The following CLCN3 variants were observed in gnomAD, a reference collection of about 807,000 sequenced individuals.
CLCN3 encodes the protein H(+)/Cl(-) exchange transporter 3.
Under a neutral mutation model 83.4 loss-of-function variants are expected in CLCN3, and 16 were observed. The observed-to-expected ratio is 0.19, with a 90% CI of 0.13 to 0.29. The LOEUF is 0.29. Among genes scored for constraint, CLCN3 ranks in the 10% least tolerant of loss-of-function variants. The pLI, the probability that CLCN3 is intolerant of heterozygous loss-of-function variation, is 1.00. For missense variants in CLCN3, 544 were observed against 1,006.0 expected, an observed-to-expected ratio of 0.54 and a Z score of 6.21; for synonymous variants, 322 against 346.2, an observed-to-expected ratio of 0.93 and a Z score of 0.78.
intron 4 of CLCN3, among the ~76,000 whole-genome samples, chr4:169,688,532 T>C (rs751369021): frequency 6.6e-6 from 1 of 152,080 alleles, no homozygotes; most frequent in African/African-American, 2.4e-5. Flanking sequence ...CTGATCTCTT[T>C]ATGTAAGAAG....
intron 2 of CLCN3, among the ~76,000 whole-genome samples, chr4:169,637,547 G>A (rs939711051): frequency 3.3e-5 from 5 of 151,716 alleles, no homozygotes; most frequent in African/African-American, 1.2e-4. Context: ...CTCCTGCTAG[G>A]CACCAGAGCA....
intron 11 of CLCN3, among the ~76,000 whole-genome samples, chr4:169,712,221 C>T (rs1279158529): frequency 6.6e-6 from 1 of 152,102 alleles, no homozygotes; most frequent in Non-Finnish European, 1.5e-5. Context: ...AATACTAACT[C>T]AAAGTAGAAA....
chr4:169,689,270 A>G (rs752381431), intron 5 of CLCN3, 40 bp downstream of exon 5: 13 of 1,535,498 alleles, frequency 8.5e-6, no homozygotes, highest in Middle Eastern at 1.7e-4. Context: ...AATAATTGAT[A>G]TAGCAAAATG....
intron 9 of CLCN3, among the ~76,000 whole-genome samples, chr4:169,702,064 C>T (rs1038294573): frequency 6.6e-6 from 1 of 152,192 alleles, no homozygotes; most frequent in Non-Finnish European, 1.5e-5. Flanking sequence ...CACCCAACTC[C>T]TGGGATCTTA....
chr4:169,630,704 T>G (rs1323586634), intron 1 of CLCN3, among the ~76,000 whole-genome samples: 2 of 152,092 alleles, frequency 1.3e-5, no homozygotes, highest in Admixed American at 6.5e-5. Context: ...CTAATTTTTG[T>G]ATTTTTTTAG....
intron 3 of CLCN3, among the ~76,000 whole-genome samples, chr4:169,682,605 G>A (rs1285080379): frequency 6.6e-6 from 1 of 152,186 alleles, no homozygotes; most frequent in African/African-American, 2.4e-5. Flanking sequence ...AGCAGCAGAT[G>A]TGTGTAGTTA....
chr4:169,670,169 T>G lies in CLCN3; in HGVS notation c.161-9881T>G, dbSNP rs969409825. Among the ~76,000 whole-genome samples, 4 of 152,220 alleles carry G rather than the reference T, an allele frequency of 2.6e-5. No individual in the cohort carries two copies. The East Asian group carries it at 7.7e-4, about 29-fold the overall frequency. ...GTTTTGGCTTTTGTCGCCATTGCTT[T>G]TGGTGTTTCAGTCATGAAGTCTTTG... On this transcript the variant is annotated intron_variant, in intron 2 of 12. Transcript: ENST00000513761.
At chr4:169,715,748 T>C (rs10024769) in intron 12 of CLCN3, among the ~76,000 whole-genome samples, 12,619 of 152,134 alleles carry the variant, frequency 0.083, 1,717 homozygotes, top group African/African-American at 0.29. Context: ...CTGCACTTTA[T>C]ATTTTAACTG....
At chr4:169,636,358 A>C (rs1043565728) in intron 2 of CLCN3, among the ~76,000 whole-genome samples, 1 of 152,198 alleles carries the variant, frequency 6.6e-6, no homozygotes, top group African/African-American at 2.4e-5. Context: ...AATATAATGT[A>C]ATACAGAGAG....
intron 2 of CLCN3, among the ~76,000 whole-genome samples, chr4:169,666,285 A>G (rs1470976016): frequency 3.3e-5 from 5 of 152,192 alleles, no homozygotes; most frequent in Non-Finnish European, 7.3e-5. Context: ...AGTGAGAAAC[A>G]TTTCTCCACT....
intron 2 of CLCN3, among the ~76,000 whole-genome samples, chr4:169,641,442 T>G (rs1730410227): frequency 6.6e-6 from 1 of 152,228 alleles, no homozygotes; most frequent in Admixed American, 6.5e-5. Flanking sequence ...AACCACATAG[T>G]AGACGAGGCT....
Position 169,720,199 on chromosome 4 carries a change from G to C in CLCN3, c.*202G>C. On this transcript the variant is annotated 3_prime_UTR_variant, in exon 13 of 13. Coordinates refer to ENST00000513761, the MANE Select transcript of CLCN3 (RefSeq NM_001829.4). ...GTTGTTTGGGGAGGGAAAGGAGAGA[G>C]AAGGAAAGGAGTGAGGTATTTCCCG... The C allele has an allele frequency of 4.3e-6, 3 of 704,668 alleles. No individual in the cohort carries two copies. The highest frequency in any genetic ancestry group is 7.1e-6 in the Non-Finnish European group (3 of 420,052). 43.7% of individuals were successfully genotyped at this position (704,668 alleles called of 1,614,324 possible). A position where few individuals can be genotyped will look rare whatever the true frequency, so the allele number is the denominator to read the frequency against.
At chr4:169,668,200 G>A (rs992521584) in intron 2 of CLCN3, among the ~76,000 whole-genome samples, 8 of 151,674 alleles carry the variant, frequency 5.3e-5, no homozygotes, top group African/African-American at 1.9e-4. Flanking sequence ...TTTTTAAATA[G>A]AGATGAGATC....
At chr4:169,667,346 A>C (rs1191604948) in intron 2 of CLCN3, among the ~76,000 whole-genome samples, 1 of 152,174 alleles carries the variant, frequency 6.6e-6, no homozygotes, top group African/African-American at 2.4e-5. Flanking sequence ...AAGAATAATG[A>C]ATAATTTTAA....
chr4:169,665,202 C>T (rs1731200179), intron 2 of CLCN3, among the ~76,000 whole-genome samples: 1 of 152,186 alleles, frequency 6.6e-6, no homozygotes, highest in South Asian at 2.1e-4. Context: ...CTTATCATCT[C>T]TAACTAAGGA....
chr4:169,658,566 A>T (rs1327296332), intron 2 of CLCN3, among the ~76,000 whole-genome samples: 1 of 152,126 alleles, frequency 6.6e-6, no homozygotes, highest in Non-Finnish European at 1.5e-5. Context: ...GTGGTAAAAC[A>T]TATAAAAGAA....
intron 12 of CLCN3, among the ~76,000 whole-genome samples, chr4:169,716,698 C>T (rs902203323): frequency 6.6e-6 from 1 of 152,042 alleles, no homozygotes; most frequent in Admixed American, 6.6e-5. Context: ...GCAGAGAACC[C>T]ATTTCTGTCA....
chr4:169,656,743 C>G (rs1260836908), intron 2 of CLCN3, among the ~76,000 whole-genome samples: 2 of 151,940 alleles, frequency 1.3e-5, no homozygotes, highest in Non-Finnish European at 2.9e-5. Flanking sequence ...TTGGGTGGGC[C>G]TGGACAACGT....
rs1177889395 is a variant in CLCN3, at chr4:169,721,829, T to A, written c.*1832T>A. On this transcript the variant is annotated 3_prime_UTR_variant, in exon 13 of 13. Transcript: ENST00000513761. Reference sequence around the variant, plus strand: ...ATGCATTTTTGATAGGAAAATGAAATTTTTGCAAACAGACATTTTCTTTTT... The same window carrying A: ...ATGCATTTTTGATAGGAAAATGAAAATTTTGCAAACAGACATTTTCTTTTT... The A allele has an allele frequency of 1.3e-5, 2 of 152,200 alleles. No individual in the cohort carries two copies. The highest frequency in any genetic ancestry group is 2.9e-5 in the Non-Finnish European group (2 of 68,044). 9.4% of individuals were successfully genotyped at this position (152,200 alleles called of 1,614,324 possible).
Sources: allele counts gnomAD v4.1 joint callset (sites outside exome capture counted in the v4.1 genomes callset), GRCh38; gene constraint gnomAD v4.1.1; transcripts MANE v1.5; gene names NCBI Gene and HGNC (gene_info 2026-07-23, HGNC 2026-07-21).